The following AFF3 variants were observed in gnomAD, a reference collection of about 807,000 sequenced individuals.
AFF3 encodes AF4/FMR2 family member 3.
A neutral mutation model predicts 129.7 loss-of-function variants in AFF3; 32 were observed. The observed-to-expected ratio is 0.25, with a 90% CI of 0.19 to 0.33. The LOEUF (loss-of-function observed/expected upper bound fraction) is 0.33, where lower values mean the gene tolerates loss of function less well. Ranked by LOEUF, AFF3 falls within the 10% of genes least tolerant of loss-of-function variation. The pLI, the probability that AFF3 is intolerant of heterozygous loss-of-function variation, is 1.00. For missense variants in AFF3, 1,373 were observed against 1,592.0 expected, an observed-to-expected ratio of 0.86 and a Z score of 2.34; for synonymous variants, 644 against 635.4, an observed-to-expected ratio of 1.01 and a Z score of -0.20.
intron 4 of AFF3, among the ~76,000 whole-genome samples, chr2:100,101,281 C>G (rs1690705751): frequency 6.6e-6 from 1 of 152,156 alleles, no homozygotes; most frequent in South Asian, 2.1e-4. Flanking sequence ...TATAAGGACA[C>G]TCTCTGTGAC....
chr2:99,714,176 T>C (rs1488402236), intron 11 of AFF3, among the ~76,000 whole-genome samples: 1 of 152,196 alleles, frequency 6.6e-6, no homozygotes, highest in Non-Finnish European at 1.5e-5. Flanking sequence ...ACAACAGCAA[T>C]GCCTAATCGC....
intron 8 of AFF3, among the ~76,000 whole-genome samples, chr2:99,769,961 C>A (rs1462565156): frequency 2.6e-5 from 4 of 152,202 alleles, no homozygotes; most frequent in Non-Finnish European, 4.4e-5. Flanking sequence ...GCCAGCACAA[C>A]ACTAAGTCTT....
intron 9 of AFF3, among the ~76,000 whole-genome samples, chr2:99,751,709 T>G (rs1440308769): frequency 6.6e-6 from 1 of 152,196 alleles, no homozygotes; most frequent in Non-Finnish European, 1.5e-5. Context: ...ATGTATATAG[T>G]CATTTATTTT....
At chr2:99,626,318 C>T (rs1682540058) in intron 13 of AFF3, among the ~76,000 whole-genome samples, 1 of 61,258 alleles carries the variant, frequency 1.6e-5, no homozygotes, top group African/African-American at 5.9e-5. Flanking sequence ...GCCTCCCTCC[C>T]TTCCTTCCTT....
chr2:99,694,819 G>C (rs1251471710), intron 11 of AFF3, among the ~76,000 whole-genome samples: 1 of 152,068 alleles, frequency 6.6e-6, no homozygotes, highest in Admixed American at 6.5e-5. Context: ...CGACTCTCCT[G>C]ACTCAGCCTC....
intron 1 of AFF3, among the ~76,000 whole-genome samples, chr2:100,139,898 C>T (rs904410656): frequency 1.3e-5 from 2 of 152,088 alleles, no homozygotes; most frequent in South Asian, 2.1e-4. Flanking sequence ...ATTCAAAAAC[C>T]GGAAATCAAC....
chr2:99,985,113 G>A (rs1679750736), intron 7 of AFF3, among the ~76,000 whole-genome samples: 1 of 152,122 alleles, frequency 6.6e-6, no homozygotes, highest in African/African-American at 2.4e-5. Context: ...ACAGATGTGA[G>A]GCATTTGCAT....
intron 13 of AFF3, among the ~76,000 whole-genome samples, chr2:99,621,673 G>A (rs1558656758): frequency 6.6e-6 from 1 of 152,210 alleles, no homozygotes; most frequent in Non-Finnish European, 1.5e-5. Context: ...TATGTCAAGC[G>A]CTCAATGCGG....
intron 18 of AFF3, 31 bp downstream of exon 18, chr2:99,578,296 C>T (rs760984204): frequency 3.2e-6 from 5 of 1,575,120 alleles, no homozygotes; most frequent in South Asian, 2.4e-5. Context: ...CTGTCTTGCC[C>T]CTCACCACAT....
At chr2:99,684,772 C>G (rs1336091583) in intron 11 of AFF3, among the ~76,000 whole-genome samples, 1 of 150,550 alleles carries the variant, frequency 6.6e-6, no homozygotes, top group East Asian at 2.0e-4. Context: ...CCACCGTGCC[C>G]AGCCCATGAA....
In AFF3 at chr2:99,640,615, T is replaced by G. The variant is rs796699599; in HGVS notation, c.1184+9011A>C. ...GAGTAGGGAAAGCTGGGCCAGAGGG[T>G]TTTTTTTTTTCTTTTGCTTTCTTGT... On this transcript the variant is annotated intron_variant, in intron 13 of 24. Transcript: ENST00000672756. 7.6e-3 allele frequency among the ~76,000 whole-genome samples: 753 copies of G among 99,184 alleles called. 3 individuals are homozygous for G. The highest frequency in any genetic ancestry group is 0.022 in the African/African-American group (708 of 32,790). The allele number at this position is 99,184 out of a possible 152,430, so 65.1% of individuals were successfully genotyped here.
intron 7 of AFF3, among the ~76,000 whole-genome samples, chr2:99,854,149 G>T (rs1386461344): frequency 1.3e-5 from 2 of 151,794 alleles, no homozygotes; most frequent in Non-Finnish European, 2.9e-5. Flanking sequence ...GTTTAGAACG[G>T]ACCTGAGGGA....
intron 4 of AFF3, among the ~76,000 whole-genome samples, chr2:100,101,855 TG>T (rs1690760647): frequency 1.4e-5 from 2 of 145,164 alleles, no homozygotes; most frequent in Non-Finnish European, 3.0e-5. Flanking sequence ...ATCTTTAAAA[TG>T]GAACTAATAA....
At chr2:99,633,744 C>T (rs1006731583) in intron 13 of AFF3, among the ~76,000 whole-genome samples, 1 of 151,900 alleles carries the variant, frequency 6.6e-6, no homozygotes, top group South Asian at 2.1e-4. Flanking sequence ...CGAGTGGTTC[C>T]CCACTTCCTG....
chr2:99,724,271 C>CTTTTTTTTTTTTTCT (rs1679167573), intron 11 of AFF3, among the ~76,000 whole-genome samples: 1 of 66,860 alleles, frequency 1.5e-5, no homozygotes, highest in East Asian at 5.7e-4. Context: ...AATGACCTTT[C>CTTTTTTTTTTTTTCT]TTTTTTTTTT....
chr2:99,979,494 C>CT (rs879636376), intron 7 of AFF3, among the ~76,000 whole-genome samples: 440 of 145,558 alleles, frequency 3.0e-3, no homozygotes, highest in Admixed American at 9.0e-3. Flanking sequence ...TTCTTTATCT[C>CT]TTTTTTTTTT....
intron 11 of AFF3, among the ~76,000 whole-genome samples, chr2:99,694,226 C>G (rs1675962430): frequency 6.6e-6 from 1 of 152,182 alleles, no homozygotes; most frequent in East Asian, 1.9e-4. Context: ...TTAGAACTTT[C>G]TAGTCAATAC....
chr2:100,141,206 C>T (rs188876819), intron 1 of AFF3, among the ~76,000 whole-genome samples: 1 of 152,278 alleles, frequency 6.6e-6, no homozygotes, highest in Admixed American at 6.5e-5. Flanking sequence ...GGAATTTAAA[C>T]CTTGAAATCT....
At chr2:99,936,201 G>C (rs1674511116) in intron 7 of AFF3, among the ~76,000 whole-genome samples, 1 of 152,112 alleles carries the variant, frequency 6.6e-6, no homozygotes, top group Non-Finnish European at 1.5e-5. Context: ...CAGTTGGCTG[G>C]TACGGAAAGA....
Sources: allele counts gnomAD v4.1 joint callset (sites outside exome capture counted in the v4.1 genomes callset), GRCh38; gene constraint gnomAD v4.1.1; transcripts MANE v1.5; gene names NCBI Gene and HGNC (gene_info 2026-07-23, HGNC 2026-07-21).